The following TNFSF4 variants were observed in gnomAD, a reference collection of about 807,000 sequenced individuals.
The protein encoded by TNFSF4 is tumor necrosis factor ligand superfamily member 4.
A neutral mutation model predicts 7.3 loss-of-function variants in TNFSF4; 4 were observed. The observed-to-expected ratio is 0.55, with a 90% CI of 0.27 to 1.25. The LOEUF (loss-of-function observed/expected upper bound fraction) is 1.25, where lower values mean the gene tolerates loss of function less well. Among genes scored for constraint, TNFSF4 ranks in the 50% most tolerant of loss-of-function variants. TNFSF4 has a pLI of 0.12. For synonymous variants in TNFSF4, 76 were observed against 83.7 expected (o/e 0.91, Z 0.50); for missense variants, 181 against 208.8 (o/e 0.87, Z 0.82).
At chr1:173,406,925 T>C in the TNFSF4 span, among the ~76,000 whole-genome samples, 2 of 152,034 alleles carry the variant, frequency 1.3e-5, no homozygotes, top group Non-Finnish European at 2.9e-5. Flanking sequence ...GACAGCGGCC[T>C]GTTGGGTGGT....
the TNFSF4 span, among the ~76,000 whole-genome samples, chr1:173,317,067 G>T: frequency 6.6e-6 from 1 of 152,124 alleles, no homozygotes; most frequent in Non-Finnish European, 1.5e-5. Flanking sequence ...AAAAAAACTT[G>T]CAGTTTCTGG....
the TNFSF4 span, among the ~76,000 whole-genome samples, chr1:173,406,074 T>A: frequency 6.6e-6 from 1 of 152,142 alleles, no homozygotes; most frequent in Non-Finnish European, 1.5e-5. Context: ...CCAGATCAGT[T>A]TTCACACTGG....
At chr1:173,249,154 G>T in the TNFSF4 span, among the ~76,000 whole-genome samples, 4 of 152,180 alleles carry the variant, frequency 2.6e-5, no homozygotes, top group African/African-American at 9.6e-5. Flanking sequence ...TGAGTTTCTG[G>T]CTGGGACAAC....
At chr1:173,344,918 C>T in the TNFSF4 span, among the ~76,000 whole-genome samples, 1 of 152,178 alleles carries the variant, frequency 6.6e-6, no homozygotes, top group Non-Finnish European at 1.5e-5. Context: ...AAAGATCTCT[C>T]CTCAAAGAGT....
At chr1:173,317,915 T>C in the TNFSF4 span, among the ~76,000 whole-genome samples, 1 of 152,112 alleles carries the variant, frequency 6.6e-6, no homozygotes, top group East Asian at 1.9e-4. Flanking sequence ...AACACCACCA[T>C]CAGTACGAAT....
Position 173,186,854 on chromosome 1 carries a change from C to T in TNFSF4, c.214G>A (p.Glu72Lys). The stretch of plus-strand genomic sequence containing the variant: ...TGGGAAGTGAGGATGAAACCTTTCT[C>T]CTTCTTATATTCTAGGGAGGATAGG... Reference protein sequence around the residue: ...IKVQFTEYKKEKGFILTSQKE... With the variant: ...IKVQFTEYKKKKGFILTSQKE... The change falls in exon 3 of 3, where the codon GAG becomes AAG. Residue 72 changes from glutamate to lysine, a missense_variant. Glu to Lys is a moderately conservative substitution (Grantham distance 56, BLOSUM62 1). Coordinates refer to ENST00000281834, the MANE Select transcript of TNFSF4 (RefSeq NM_003326.5). The T allele has an allele frequency of 6.3e-7, 1 of 1,595,004 alleles. No individual in the cohort carries two copies. Among genetic ancestry groups the T allele is most frequent in the Non-Finnish European group, 8.6e-7 (1 of 1,169,510 alleles).
At chr1:173,336,493 T>C in the TNFSF4 span, among the ~76,000 whole-genome samples, 15,109 of 152,162 alleles carry the variant, frequency 0.099, 823 homozygotes, top group Non-Finnish European at 0.13. Context: ...TCTCTATATC[T>C]ATTATCTAGG....
the TNFSF4 span, among the ~76,000 whole-genome samples, chr1:173,377,106 G>A: frequency 1.1e-3 from 170 of 152,300 alleles, no homozygotes; most frequent in African/African-American, 3.9e-3. Context: ...CACTGTGAGC[G>A]TCTGTGGCTT....
chr1:173,366,235 C>T, the TNFSF4 span, among the ~76,000 whole-genome samples: 4 of 152,108 alleles, frequency 2.6e-5, no homozygotes, highest in Non-Finnish European at 4.4e-5. Context: ...TAGTGTCTAT[C>T]AACAGATGAA....
the TNFSF4 span, among the ~76,000 whole-genome samples, chr1:173,406,931 G>C: frequency 1.8e-4 from 27 of 152,204 alleles, no homozygotes; most frequent in Non-Finnish European, 3.4e-4. Flanking sequence ...GGCCTGTTGG[G>C]TGGTACTGGG....
the TNFSF4 span, among the ~76,000 whole-genome samples, chr1:173,372,911 C>T: frequency 3.9e-5 from 6 of 152,268 alleles, no homozygotes; most frequent in East Asian, 1.9e-4. Context: ...ACCTATATAC[C>T]GATGGAAGTT....
At chr1:173,401,334 G>C in the TNFSF4 span, among the ~76,000 whole-genome samples, 1 of 152,180 alleles carries the variant, frequency 6.6e-6, no homozygotes, top group Non-Finnish European at 1.5e-5. Context: ...GGGTGGACTT[G>C]TGATGGTTAA....
the TNFSF4 span, among the ~76,000 whole-genome samples, chr1:173,259,100 A>G: frequency 2.0e-5 from 3 of 152,272 alleles, no homozygotes; most frequent in East Asian, 5.8e-4. Flanking sequence ...TCCCACTGGC[A>G]TCAGGCTGGT....
chr1:173,335,448 G>C, the TNFSF4 span, among the ~76,000 whole-genome samples: 4 of 152,264 alleles, frequency 2.6e-5, no homozygotes, highest in South Asian at 8.3e-4. Context: ...ATACCTAAAT[G>C]CAATGGAGGT....
At chr1:173,217,731 T>C in the TNFSF4 span, among the ~76,000 whole-genome samples, 3 of 152,196 alleles carry the variant, frequency 2.0e-5, no homozygotes, top group Non-Finnish European at 2.9e-5. Flanking sequence ...TATCTGTTTC[T>C]TTCAATTTTT....
At chr1:173,308,619 T>A in the TNFSF4 span, among the ~76,000 whole-genome samples, 1 of 151,926 alleles carries the variant, frequency 6.6e-6, no homozygotes, top group South Asian at 2.1e-4. Flanking sequence ...ACTAAGTGAC[T>A]TAAAACAACA....
the TNFSF4 span, among the ~76,000 whole-genome samples, chr1:173,250,455 G>GT: frequency 2.7e-5 from 4 of 147,478 alleles, no homozygotes; most frequent in Admixed American, 6.8e-5. Flanking sequence ...TTCATTTTTT[G>GT]TTTTTTTGTT....
the TNFSF4 span, among the ~76,000 whole-genome samples, chr1:173,217,600 T>C: frequency 6.6e-6 from 1 of 152,236 alleles, no homozygotes; most frequent in Non-Finnish European, 1.5e-5. Flanking sequence ...TGGAAATTGG[T>C]AAACATTATA....
chr1:173,292,743 AC>A, the TNFSF4 span, among the ~76,000 whole-genome samples: 1 of 152,102 alleles, frequency 6.6e-6, no homozygotes, highest in Non-Finnish European at 1.5e-5. Flanking sequence ...TACTTAGAAA[AC>A]CCCAAAGACT....
Sources: allele counts gnomAD v4.1 joint callset (sites outside exome capture counted in the v4.1 genomes callset), GRCh38; gene constraint gnomAD v4.1.1; transcripts MANE v1.5; gene names NCBI Gene and HGNC (gene_info 2026-07-23, HGNC 2026-07-21).